Variants in CLIP2 observed in about 807,000 individuals in gnomAD.
CLIP2 encodes the protein CAP-Gly domain-containing linker protein 2.
CLIP2 carries 41 observed loss-of-function variants against 111.7 expected under a neutral mutation model. The observed-to-expected ratio is 0.37, with a 90% CI of 0.29 to 0.48. The LOEUF is 0.48. CLIP2 is among the 20% of genes least tolerant of loss of function. The pLI is 0.99. For missense variants in CLIP2, 1,160 were observed against 1,422.1 expected (o/e 0.82, Z 2.96); for synonymous variants, 660 against 644.2 (o/e 1.02, Z -0.37).
chr7:74,317,778 C>G (rs1411796044), intron 2 of CLIP2, 111 bp downstream of exon 2: 2 of 1,251,068 alleles, frequency 1.6e-6, no homozygotes, highest in East Asian at 5.6e-5. Context: ...TGATGGGGGA[C>G]GCTGAGTGTC....
chr7:74,393,118 C>T (rs1265688326), intron 13 of CLIP2, among the ~76,000 whole-genome samples: 1 of 151,156 alleles, frequency 6.6e-6, no homozygotes, highest in African/African-American at 2.4e-5. Flanking sequence ...TCACTGCAAC[C>T]TCCACCTTCT....
intron 8 of CLIP2, among the ~76,000 whole-genome samples, chr7:74,370,155 C>CAAAAAAAAAA (rs536133070): frequency 6.1e-5 from 2 of 32,898 alleles, no homozygotes; most frequent in Non-Finnish European, 1.2e-4. Flanking sequence ...GACTCTGCCT[C>CAAAAAAAAAA]AAAAAAAAAA....
chr7:74,314,432 A>G (rs1788716163), intron 1 of CLIP2, among the ~76,000 whole-genome samples: 1 of 152,184 alleles, frequency 6.6e-6, no homozygotes, highest in African/African-American at 2.4e-5. Context: ...CAGAGGTTGC[A>G]GTGAGCTGAG....
chr7:74,341,130 T>G (rs1380725987), intron 3 of CLIP2, among the ~76,000 whole-genome samples: 4 of 152,100 alleles, frequency 2.6e-5, no homozygotes, highest in Non-Finnish European at 5.9e-5. Flanking sequence ...GCGATGTGGT[T>G]TTATCATCCT....
At chr7:74,364,503 G>A (rs1790421100) in intron 8 of CLIP2, among the ~76,000 whole-genome samples, 188 bp downstream of exon 8, 4 of 152,180 alleles carry the variant, frequency 2.6e-5, no homozygotes, top group African/African-American at 9.6e-5. Context: ...GCCCCCCAGG[G>A]AAGCTGTGCT....
At chr7:74,366,325 C>G (rs1554310841) in intron 8 of CLIP2, among the ~76,000 whole-genome samples, 1 of 152,168 alleles carries the variant, frequency 6.6e-6, no homozygotes, top group Non-Finnish European at 1.5e-5. Context: ...CATCCAAGGG[C>G]TCAGTCCCAG....
At chr7:74,386,634 G>A (rs782493509) in intron 12 of CLIP2, 30 bp downstream of exon 12, 5 of 1,563,846 alleles carry the variant, frequency 3.2e-6, no homozygotes, top group South Asian at 1.2e-5. Context: ...GGCAGATGCG[G>A]GGGGCTTTCA....
chr7:74,326,143 G>T (rs1789100053), intron 2 of CLIP2, among the ~76,000 whole-genome samples: 1 of 152,186 alleles, frequency 6.6e-6, no homozygotes. Flanking sequence ...AGGAGGCTGA[G>T]GCAGGAGAAT....
intron 2 of CLIP2, among the ~76,000 whole-genome samples, chr7:74,325,004 C>T (rs1789071609): frequency 1.3e-5 from 2 of 152,032 alleles, no homozygotes; most frequent in Non-Finnish European, 1.5e-5. Flanking sequence ...GTGGGCAGCT[C>T]GAGATGTGTG....
intron 2 of CLIP2, among the ~76,000 whole-genome samples, chr7:74,331,268 C>T (rs1554731249): frequency 7.0e-6 from 1 of 142,444 alleles, no homozygotes. Context: ...GAGAAGGAGG[C>T]ATAAATGAAT....
At chr7:74,327,447 G>A (rs1054130498) in intron 2 of CLIP2, among the ~76,000 whole-genome samples, 10 of 152,148 alleles carry the variant, frequency 6.6e-5, no homozygotes, top group African/African-American at 2.2e-4. Context: ...CCTGTACCCC[G>A]TGAGTGTTCC....
chr7:74,338,743 C>T lies in CLIP2; in HGVS notation c.417C>T (p.Phe139=). ...YFECPALQGI[F]TRPSKLTRQP... ...AGTGCCCGGCCCTCCAGGGTATCTT[C>T]ACGCGGCCCTCCAAGCTGACCCGGC... Residue 139 remains phenylalanine (F), a synonymous_variant, in exon 3 of 17, where the codon TTC becomes TTT. Coordinates refer to ENST00000223398, the MANE Select transcript of CLIP2 (RefSeq NM_003388.5). The surrounding 1 kb of genome is among the most constrained non-coding windows in gnomAD (Gnocchi z 4.3). 1 of 1,599,470 alleles carries T rather than the reference C, an allele frequency of 6.3e-7. No individual in the cohort carries two copies. Among genetic ancestry groups the T allele is most frequent in the Non-Finnish European group, 8.5e-7 (1 of 1,175,492 alleles).
intron 10 of CLIP2, among the ~76,000 whole-genome samples, chr7:74,378,036 G>A (rs1790841704): frequency 6.6e-6 from 1 of 152,150 alleles, no homozygotes; most frequent in Non-Finnish European, 1.5e-5. Context: ...AGGTAGTCCA[G>A]GCTGGTCTCA....
chr7:74,308,598 G>A (rs782358919), intron 1 of CLIP2, among the ~76,000 whole-genome samples: 5 of 151,944 alleles, frequency 3.3e-5, no homozygotes, highest in Non-Finnish European at 7.4e-5. Context: ...TCCGCCTTCC[G>A]GGTTCAAGCG....
At chr7:74,293,018 C>T (rs1424738548) in intron 1 of CLIP2, among the ~76,000 whole-genome samples, 2 of 152,232 alleles carry the variant, frequency 1.3e-5, no homozygotes, top group African/African-American at 2.4e-5. Context: ...TCCCCATGCT[C>T]CCAGGCTGGG....
At chr7:74,305,695 T>C (rs1369213451) in intron 1 of CLIP2, among the ~76,000 whole-genome samples, 3 of 152,170 alleles carry the variant, frequency 2.0e-5, no homozygotes, top group African/African-American at 7.2e-5. Flanking sequence ...GGTTTCGCCA[T>C]GTTGCCCAGG....
chr7:74,328,585 C>T (rs1281010302), intron 2 of CLIP2, among the ~76,000 whole-genome samples: 1 of 152,002 alleles, frequency 6.6e-6, no homozygotes, highest in Non-Finnish European at 1.5e-5. Flanking sequence ...GAGAGAGACA[C>T]AGTGGGCCCC....
chr7:74,386,821 G>A (rs1448126323), intron 12 of CLIP2, among the ~76,000 whole-genome samples: 5 of 152,016 alleles, frequency 3.3e-5, no homozygotes, highest in East Asian at 1.9e-4. Flanking sequence ...TCAGGAGTTC[G>A]AGACCAGCCT....
intron 11 of CLIP2, among the ~76,000 whole-genome samples, chr7:74,383,080 C>CAAAA (rs556644763): frequency 3.3e-5 from 2 of 61,196 alleles, no homozygotes; most frequent in Non-Finnish European, 3.5e-5. Context: ...ACCCTGTCAC[C>CAAAA]AAAAAAAAAA....
Sources: gnomAD v4.1 joint callset for allele counts (sites outside exome capture counted in the v4.1 genomes callset) on GRCh38, gnomAD v4.1.1 for gene constraint, Gnocchi (gnomAD v3.1) non-coding constraint, MANE v1.5 for transcripts, NCBI Gene and HGNC (gene_info 2026-07-23, HGNC 2026-07-21) for gene names.